Variants in STK4 observed in about 807,000 individuals in gnomAD.
STK4 encodes serine/threonine kinase 4.
In STK4, 30 loss-of-function variants were observed where a neutral mutation model predicts 64.9. That is an observed-to-expected ratio of 0.46 (90% confidence interval 0.35 to 0.63). The LOEUF (loss-of-function observed/expected upper bound fraction) is 0.63. Among genes scored for constraint, STK4 ranks in the 20% least tolerant of loss-of-function variants. The pLI is 0.01. For missense variants in STK4, 466 were observed against 598.5 expected, an observed-to-expected ratio of 0.78 and a Z score of 2.31; for synonymous variants, 177 against 199.0, an observed-to-expected ratio of 0.89 and a Z score of 0.93.
intron 9 of STK4, 140 bp from the exon 10 acceptor site, chr20:45,024,833 A>T: frequency 1.2e-6 from 1 of 846,910 alleles, no homozygotes; most frequent in Non-Finnish European, 1.6e-6. Context: ...TAGTTTCACT[A>T]GATTCTTGAA....
chr20:44,994,467 G>A (rs182695981), intron 5 of STK4, among the ~76,000 whole-genome samples: 1 of 150,500 alleles, frequency 6.6e-6, no homozygotes, highest in East Asian at 1.9e-4. Flanking sequence ...TTTTTTTCAT[G>A]CTAGGAAAAG....
rs1437245733 is a variant in STK4 at position 45,079,511 on chromosome 20, A to G, written c.*4335A>G. 1 of 152,338 alleles carries G rather than the reference A, an allele frequency of 6.6e-6. No homozygotes were observed. Among genetic ancestry groups the G allele is most frequent in the Non-Finnish European group, 1.5e-5 (1 of 68,020 alleles). 9.4% of individuals were successfully genotyped at this position (152,338 alleles called of 1,614,324 possible). On this transcript the variant is annotated 3_prime_UTR_variant, in exon 11 of 11. Coordinates refer to ENST00000372806, the MANE Select transcript of STK4 (RefSeq NM_006282.5). ...CCAATCTACATCTCCACCTCACCCC[A>G]TCTTTTCTTAAGCACTATGTTTGTG...
intron 10 of STK4, among the ~76,000 whole-genome samples, chr20:45,030,383 C>T (rs1040001631): frequency 5.3e-5 from 8 of 152,150 alleles, no homozygotes; most frequent in East Asian, 1.9e-4. Flanking sequence ...GGAGTACAGG[C>T]GTGAGCCACC....
At chr20:44,967,039 C>G (rs1381286520) in intron 1 of STK4, 1 of 640,464 alleles carries the variant, frequency 1.6e-6, no homozygotes, top group Non-Finnish European at 1.9e-6. Flanking sequence ...TGAAGTCCCA[C>G]TTGAGGGGTG....
At chr20:45,065,298 A>G (rs1979464330) in intron 10 of STK4, among the ~76,000 whole-genome samples, 1 of 152,130 alleles carries the variant, frequency 6.6e-6, no homozygotes, top group South Asian at 2.1e-4. Context: ...AGGGATAAAG[A>G]CTACTTGATA....
At chr20:45,023,462 C>T (rs2068285072) in intron 9 of STK4, among the ~76,000 whole-genome samples, 1 of 152,190 alleles carries the variant, frequency 6.6e-6, no homozygotes, top group African/African-American at 2.4e-5. Context: ...TAGATACCTT[C>T]TCATCTACTT....
At chr20:44,998,799 A>G (rs1231393013) in intron 7 of STK4, among the ~76,000 whole-genome samples, 1 of 152,206 alleles carries the variant, frequency 6.6e-6, no homozygotes, top group East Asian at 1.9e-4. Flanking sequence ...AGCCAGGTGC[A>G]GTGGCTCATG....
At chr20:44,978,783 T>G (rs372241617) in intron 3 of STK4, among the ~76,000 whole-genome samples, 29 of 151,276 alleles carry the variant, frequency 1.9e-4, no homozygotes, top group East Asian at 5.8e-4. Flanking sequence ...GGTGTTTTGT[T>G]TTTTTTTTTC....
chr20:45,002,953 T>A (rs2067867619), intron 9 of STK4, among the ~76,000 whole-genome samples: 1 of 152,138 alleles, frequency 6.6e-6, no homozygotes, highest in African/African-American at 2.4e-5. Context: ...ATGAATTAAT[T>A]CAAAGTAAAT....
At chr20:44,969,523 A>ATGTG (rs1480428732) in intron 1 of STK4, among the ~76,000 whole-genome samples, 1 of 109,858 alleles carries the variant, frequency 9.1e-6, no homozygotes, top group East Asian at 2.1e-4. Flanking sequence ...GTGTGTGATT[A>ATGTG]AGTGATGACA....
At chr20:44,993,253 T>TACAC (rs11472178) in intron 5 of STK4, among the ~76,000 whole-genome samples, 3,045 of 151,150 alleles carry the variant, frequency 0.02, 89 homozygotes, top group African/African-American at 0.062. Context: ...GATATATATG[T>TACAC]ACACACACAC....
chr20:45,066,319 AAC>A (rs1979575192), intron 10 of STK4, among the ~76,000 whole-genome samples: 2 of 152,178 alleles, frequency 1.3e-5, no homozygotes, highest in African/African-American at 4.8e-5. Context: ...ACAAAAAACT[AAC>A]AGTATGCAAG....
chr20:45,073,392 A>C (rs1055783721), intron 10 of STK4, among the ~76,000 whole-genome samples: 3 of 152,132 alleles, frequency 2.0e-5, no homozygotes, highest in Admixed American at 1.3e-4. Flanking sequence ...AAGCAGGCCA[A>C]GGAAAATTCC....
chr20:44,987,538 A>G (rs1479546199), intron 5 of STK4, among the ~76,000 whole-genome samples: 1 of 152,230 alleles, frequency 6.6e-6, no homozygotes, highest in East Asian at 1.9e-4. Context: ...GCAAGAAATG[A>G]TAGATTACTC....
Position 45,001,359 on chromosome 20 carries a change from G to A in STK4, c.1147+6G>A, listed in dbSNP as rs773126122. On this transcript the variant is annotated splice_donor_region_variant and intron_variant, in intron 9 of 10. Transcript: ENST00000372806. ...AGAGGAAGGAACTATGAAAAGTAAG[G>A]CTCTGAGTAAATTCACTGACTTCTT... is the stretch of plus-strand genomic sequence containing the variant. The A allele has an allele frequency of 2.5e-6, 4 of 1,601,714 alleles. No homozygotes were observed. In the African/African-American group the frequency reaches 4.0e-5, roughly 16 times the overall value.
chr20:44,997,161 C>A lies in STK4; in HGVS notation c.694-8C>A. ...AGATCTTTTTGTTTGTTTGTTTGTTCTAACCAGGCAATCTTCATGATTCCT... is the reference window on the plus strand; with the variant it reads ...AGATCTTTTTGTTTGTTTGTTTGTTATAACCAGGCAATCTTCATGATTCCT... On this transcript the variant is annotated splice_polypyrimidine_tract_variant and splice_region_variant and intron_variant, in intron 6 of 10. Coordinates refer to ENST00000372806, the MANE Select transcript of STK4 (RefSeq NM_006282.5). 6.2e-7 allele frequency: 1 copy of A among 1,613,408 alleles called. No homozygotes were observed. Among genetic ancestry groups the A allele is most frequent in the South Asian group, 1.1e-5 (1 of 91,030 alleles).
At chr20:45,012,602 T>C (rs762316106) in intron 9 of STK4, among the ~76,000 whole-genome samples, 1 of 152,192 alleles carries the variant, frequency 6.6e-6, no homozygotes, top group South Asian at 2.1e-4. Context: ...ACAAATGGCA[T>C]AGTTTAAAAA....
chr20:44,966,702 A>T, intron 1 of STK4, 99 bp downstream of exon 1: 1 of 1,228,374 alleles, frequency 8.1e-7, no homozygotes, highest in Non-Finnish European at 1.0e-6. Context: ...CCCGGAGCTA[A>T]GCGACCCAGC....
chr20:44,969,960 A>G (rs868715037), intron 1 of STK4, among the ~76,000 whole-genome samples: 1 of 152,206 alleles, frequency 6.6e-6, no homozygotes, highest in Non-Finnish European at 1.5e-5. Context: ...GATTCCCATC[A>G]TTACATTTGT....
Sources: gnomAD v4.1 joint callset for allele counts (sites outside exome capture counted in the v4.1 genomes callset) on GRCh38, gnomAD v4.1.1 for gene constraint, MANE v1.5 for transcripts, NCBI Gene and HGNC (gene_info 2026-07-23, HGNC 2026-07-21) for gene names.